Variants in CDKAL1 observed in about 807,000 individuals in gnomAD.
The protein encoded by CDKAL1 is CDKAL1 threonylcarbamoyladenosine tRNA methylthiotransferase, also known as threonylcarbamoyladenosine tRNA methylthiotransferase.
Under a neutral mutation model 68.2 loss-of-function variants are expected in CDKAL1, and 32 were observed. The observed-to-expected ratio is 0.47, with a 90% CI of 0.35 to 0.63. The LOEUF (loss-of-function observed/expected upper bound fraction) is 0.63. Among genes scored for constraint, CDKAL1 ranks in the 30% least tolerant of loss-of-function variants. The pLI is 0.00. For synonymous variants in CDKAL1, 234 were observed against 244.3 expected, an observed-to-expected ratio of 0.96 and a Z score of 0.39; for missense variants, 606 against 696.7, an observed-to-expected ratio of 0.87 and a Z score of 1.47.
intron 9 of CDKAL1, among the ~76,000 whole-genome samples, chr6:20,872,339 A>T (rs1021372793): frequency 5.8e-4 from 88 of 152,130 alleles, no homozygotes; most frequent in African/African-American, 2.1e-3. Context: ...AGCTTTGATT[A>T]TCAAAATTAT....
chr6:21,087,797 T>G (rs980289235), intron 12 of CDKAL1, among the ~76,000 whole-genome samples: 1 of 149,368 alleles, frequency 6.7e-6, no homozygotes, highest in Non-Finnish European at 1.5e-5. Flanking sequence ...CATGCATGCG[T>G]GCACACACAC....
intron 11 of CDKAL1, among the ~76,000 whole-genome samples, chr6:21,023,389 C>A (rs1768786831): frequency 6.6e-6 from 1 of 152,078 alleles, no homozygotes; most frequent in Non-Finnish European, 1.5e-5. Context: ...CCTTACACTT[C>A]CTGTTAGTAC....
rs149807376 is a variant in CDKAL1, at chr6:21,144,505, G to A, written c.1299+36042G>A. Among the ~76,000 whole-genome samples the A allele has an allele frequency of 5.2e-3, 796 of 152,096 alleles. 6 individuals are homozygous for A. Among genetic ancestry groups the A allele is most frequent in the African/African-American group, 0.018 (767 of 41,470 alleles). On this transcript the variant is annotated intron_variant, in intron 13 of 15. Transcript: ENST00000274695. ...GTTGGTCCTTAAAAACTGAAGATAGGCCAGGCATGGTGGCCCACGTATGTA... is the reference window on the plus strand; with the variant it reads ...GTTGGTCCTTAAAAACTGAAGATAGACCAGGCATGGTGGCCCACGTATGTA...
chr6:21,208,151 A>T (rs1002740769), intron 15 of CDKAL1, among the ~76,000 whole-genome samples: 1 of 152,082 alleles, frequency 6.6e-6, no homozygotes, highest in Non-Finnish European at 1.5e-5. Flanking sequence ...TTTGATCCTG[A>T]GAATGGATTC....
chr6:21,014,589 T>C (rs979365175), intron 11 of CDKAL1, among the ~76,000 whole-genome samples: 2 of 150,228 alleles, frequency 1.3e-5, no homozygotes, highest in East Asian at 2.0e-4. Context: ...CCAGCCTGGG[T>C]GACAGAGCGA....
intron 7 of CDKAL1, among the ~76,000 whole-genome samples, chr6:20,780,269 A>G (rs1232552251): frequency 6.6e-6 from 1 of 152,188 alleles, no homozygotes; most frequent in Admixed American, 6.5e-5. Context: ...TTAAAAAATT[A>G]CAAATGTTTT....
chr6:21,155,290 G>A (rs1022964422), intron 13 of CDKAL1, among the ~76,000 whole-genome samples: 9 of 152,020 alleles, frequency 5.9e-5, no homozygotes, highest in African/African-American at 1.9e-4. Context: ...TGTCATCAGC[G>A]TGTGTGAGGA....
chr6:20,801,516 C>T (rs1188495710), intron 8 of CDKAL1, among the ~76,000 whole-genome samples: 3 of 151,958 alleles, frequency 2.0e-5, no homozygotes, highest in Non-Finnish European at 2.9e-5. Context: ...TAACATGTTT[C>T]AAATGAAATT....
In CDKAL1 at chr6:20,872,548, ATGC is replaced by A. The variant is rs535953412; in HGVS notation, c.742+26373_742+26375del. ...TAGTCTGGAGAAATAATATGAGCAAATGCTGAAAGAAATGGGCATGCATATTTC... is the reference window on the plus strand; with the variant it reads ...TAGTCTGGAGAAATAATATGAGCAAATGAAAGAAATGGGCATGCATATTTC... On this transcript the variant is annotated intron_variant, in intron 9 of 15. Transcript: ENST00000274695. 7.3e-4 allele frequency among the ~76,000 whole-genome samples: 111 copies of A among 152,316 alleles called. No homozygotes were observed. The South Asian group carries it at 0.013, about 18-fold the overall frequency.
At chr6:21,095,918 G>A (rs1438516432) in intron 12 of CDKAL1, among the ~76,000 whole-genome samples, 5 of 152,118 alleles carry the variant, frequency 3.3e-5, no homozygotes, top group Non-Finnish European at 7.4e-5. Context: ...GGGTCAAAAA[G>A]CCCAGCCACC....
At chr6:20,947,357 A>G (rs531708570) in intron 9 of CDKAL1, among the ~76,000 whole-genome samples, 31 of 152,274 alleles carry the variant, frequency 2.0e-4, no homozygotes, top group African/African-American at 6.7e-4. Context: ...TTGGGAGGCC[A>G]AGGAGGACAG....
chr6:21,193,307 A>AGAGAGAG (rs1194361166), intron 13 of CDKAL1, among the ~76,000 whole-genome samples: 2 of 150,138 alleles, frequency 1.3e-5, no homozygotes, highest in East Asian at 3.9e-4. Context: ...GTTTAAAAAG[A>AGAGAGAG]GAGAGAGAGA....
chr6:20,599,143 T>A (rs1472028596), intron 4 of CDKAL1, among the ~76,000 whole-genome samples: 2 of 152,102 alleles, frequency 1.3e-5, no homozygotes, highest in African/African-American at 4.8e-5. Context: ...AATCTCCAGG[T>A]AAAAACATTA....
At chr6:20,936,406 AC>A (rs1269428232) in intron 9 of CDKAL1, among the ~76,000 whole-genome samples, 2 of 149,890 alleles carry the variant, frequency 1.3e-5, no homozygotes, top group African/African-American at 4.9e-5. Flanking sequence ...GCCCGCCACT[AC>A]GCCCGGCTAA....
chr6:21,224,206 T>A (rs971909599), intron 15 of CDKAL1, among the ~76,000 whole-genome samples: 25 of 152,146 alleles, frequency 1.6e-4, no homozygotes, highest in African/African-American at 5.8e-4. Context: ...ACTCTGCAGA[T>A]GTGATTAAGA....
At chr6:20,974,714 C>T (rs1765753613) in intron 10 of CDKAL1, among the ~76,000 whole-genome samples, 2 of 151,706 alleles carry the variant, frequency 1.3e-5, no homozygotes, top group South Asian at 4.2e-4. Flanking sequence ...TGCAGTGACT[C>T]GTGCTTGTAA....
intron 13 of CDKAL1, among the ~76,000 whole-genome samples, chr6:21,163,504 C>A (rs1777012148): frequency 6.6e-6 from 1 of 152,132 alleles, no homozygotes; most frequent in Non-Finnish European, 1.5e-5. Context: ...TCTTTTTCAT[C>A]CTAGTCATGT....
intron 11 of CDKAL1, among the ~76,000 whole-genome samples, chr6:21,021,498 G>GA (rs995649090): frequency 4.6e-5 from 7 of 151,132 alleles, no homozygotes; most frequent in South Asian, 2.1e-4. Flanking sequence ...AAATATGAAG[G>GA]AAAAAAAACA....
intron 14 of CDKAL1, 140 bp from the exon 15 acceptor site, chr6:21,200,970 C>A (rs536398821): frequency 1.5e-3 from 1,000 of 649,668 alleles, no homozygotes; most frequent in Non-Finnish European, 2.2e-3. Context: ...TAATGTAAGA[C>A]GGTAAATAAT....
Sources: gnomAD v4.1 joint callset for allele counts (sites outside exome capture counted in the v4.1 genomes callset) on GRCh38, gnomAD v4.1.1 for gene constraint, MANE v1.5 for transcripts, NCBI Gene and HGNC (gene_info 2026-07-23, HGNC 2026-07-21) for gene names.